The following PHF20 variants were observed in gnomAD, a reference collection of about 807,000 sequenced individuals.
PHF20 encodes glioma-expressed antigen 2.
A neutral mutation model predicts 113.5 loss-of-function variants in PHF20; 23 were observed. That is an observed-to-expected ratio of 0.20 (90% CI 0.15 to 0.29). The LOEUF is 0.29. Ranked by LOEUF, PHF20 falls within the 10% of genes least tolerant of loss-of-function variation. The probability of loss-of-function intolerance (pLI) is 1.00; values close to 1 mark genes in which losing one functional copy is unlikely to be tolerated. For synonymous variants in PHF20, 434 were observed against 457.3 expected (o/e 0.95, Z 0.65); for missense variants, 943 against 1,219.6 (o/e 0.77, Z 3.38).
intron 4 of PHF20, chr20:35,856,486 G>A (rs182841706): frequency 6.6e-6 from 1 of 152,346 alleles, no homozygotes; most frequent in African/African-American, 2.4e-5. Flanking sequence ...TCATGCTGCT[G>A]CTGTGGGACC....
chr20:35,797,353 A>G (rs1569123730), intron 1 of PHF20, among the ~76,000 whole-genome samples: 1 of 151,714 alleles, frequency 6.6e-6, no homozygotes, highest in Non-Finnish European at 1.5e-5. Flanking sequence ...TCTCTACTAA[A>G]AATGCAAAAA....
chr20:35,860,215 C>A (rs917621376), intron 5 of PHF20, among the ~76,000 whole-genome samples: 1 of 151,372 alleles, frequency 6.6e-6, no homozygotes, highest in African/African-American at 2.4e-5. Context: ...CCATGTCTGG[C>A]CTATTCATAA....
intron 17 of PHF20, among the ~76,000 whole-genome samples, chr20:35,946,086 G>A (rs1243643160): frequency 6.6e-6 from 1 of 152,048 alleles, no homozygotes; most frequent in Non-Finnish European, 1.5e-5. Context: ...CAGGAGAATC[G>A]CCTGTACCCG....
chr20:35,871,498 T>G (rs2054420893), intron 8 of PHF20, 152 bp from the exon 9 acceptor site: 1 of 623,750 alleles, frequency 1.6e-6, no homozygotes, highest in Admixed American at 3.6e-5. Context: ...CAAGCCAGCC[T>G]GTATGTATGG....
chr20:35,868,521 A>G (rs1351729138), intron 6 of PHF20, among the ~76,000 whole-genome samples: 1 of 151,738 alleles, frequency 6.6e-6, no homozygotes. Context: ...CAGGACAATC[A>G]CTTGAACCCA....
intron 2 of PHF20, among the ~76,000 whole-genome samples, chr20:35,813,307 GATT>G (rs1023546371): frequency 2.0e-5 from 3 of 152,156 alleles, no homozygotes; most frequent in Non-Finnish European, 4.4e-5. Context: ...TTAGGAATAA[GATT>G]ATTGAGTGTG....
intron 9 of PHF20, among the ~76,000 whole-genome samples, chr20:35,890,009 A>G (rs1421875813): frequency 7.9e-5 from 12 of 151,914 alleles, no homozygotes; most frequent in Admixed American, 2.0e-4. Flanking sequence ...GATTACAGGC[A>G]TGAGCCACCA....
At chr20:35,808,875 A>G (rs552381753) in intron 2 of PHF20, among the ~76,000 whole-genome samples, 4 of 145,924 alleles carry the variant, frequency 2.7e-5, no homozygotes, top group African/African-American at 5.0e-5. Context: ...CCTGGCCCCA[A>G]TTTTTTTTTT....
At chr20:35,816,810 G>A (rs1469191004) in intron 2 of PHF20, among the ~76,000 whole-genome samples, 1 of 133,814 alleles carries the variant, frequency 7.5e-6, no homozygotes, top group Non-Finnish European at 1.6e-5. Context: ...CTTCTTCTTT[G>A]AGATGGAGTC....
chr20:35,811,761 T>A (rs2041982197), intron 2 of PHF20, among the ~76,000 whole-genome samples: 1 of 149,562 alleles, frequency 6.7e-6, no homozygotes, highest in African/African-American at 2.5e-5. Flanking sequence ...TTTTATTTAT[T>A]TATTTATTTT....
chr20:35,886,203 A>T (rs2054728501), intron 9 of PHF20, among the ~76,000 whole-genome samples: 1 of 148,130 alleles, frequency 6.8e-6, no homozygotes, highest in South Asian at 2.1e-4. Context: ...CACTGATGAG[A>T]TCTCAGCTCA....
At chr20:35,786,321 T>C (rs1322520681) in intron 1 of PHF20, among the ~76,000 whole-genome samples, 2 of 149,356 alleles carry the variant, frequency 1.3e-5, no homozygotes, top group Non-Finnish European at 3.0e-5. Context: ...AACTAGAGAG[T>C]TGGAGGTTCC....
chr20:35,814,801 A>G (rs1600771322), intron 2 of PHF20, among the ~76,000 whole-genome samples: 1 of 127,912 alleles, frequency 7.8e-6, no homozygotes, highest in South Asian at 2.6e-4. Context: ...TGAACCCGGG[A>G]GGCGGAGCTT....
intron 17 of PHF20, 122 bp from the exon 18 acceptor site, chr20:35,947,337 CCCTTCCTCCCTTGCCCCATGGAGGCT>C: frequency 1.5e-6 from 1 of 671,070 alleles, no homozygotes; most frequent in Non-Finnish European, 2.4e-6. Flanking sequence ...GCTGAAATGG[CCCTTCCTCCCTTGCCCCATGGAGGCT>C]GAAATGGCCC....
At chr20:35,840,551 G>A (rs1242968656) in intron 2 of PHF20, among the ~76,000 whole-genome samples, 2 of 152,140 alleles carry the variant, frequency 1.3e-5, no homozygotes, top group Non-Finnish European at 2.9e-5. Flanking sequence ...TCGTAGCTGT[G>A]ATCTGGTCAG....
chr20:35,806,343 T>C (rs1191201415), intron 2 of PHF20, among the ~76,000 whole-genome samples: 1 of 150,774 alleles, frequency 6.6e-6, no homozygotes, highest in Non-Finnish European at 1.5e-5. Context: ...GTATTTTTAG[T>C]GGAGATGAGG....
intron 9 of PHF20, among the ~76,000 whole-genome samples, chr20:35,898,660 G>T (rs538396639): frequency 6.6e-6 from 1 of 152,188 alleles, no homozygotes; most frequent in Admixed American, 6.5e-5. Context: ...TCCCAGGCTG[G>T]AGTGCAATGG....
At chr20:35,876,757 C>T (rs1285734685) in intron 9 of PHF20, among the ~76,000 whole-genome samples, 3 of 146,214 alleles carry the variant, frequency 2.1e-5, no homozygotes, top group East Asian at 2.1e-4. Context: ...GATCACCTGA[C>T]GTCAGGAGTT....
chr20:35,878,681 A>G (rs1406844032), intron 9 of PHF20: 11 of 788,356 alleles, frequency 1.4e-5, no homozygotes, highest in Non-Finnish European at 2.1e-5. Flanking sequence ...TGTAGGAGCA[A>G]TGACTGTTGT....
Sources: gnomAD v4.1 joint callset for allele counts (sites outside exome capture counted in the v4.1 genomes callset) on GRCh38, gnomAD v4.1.1 for gene constraint, MANE v1.5 for transcripts, NCBI Gene and HGNC (gene_info 2026-07-23, HGNC 2026-07-21) for gene names.